SLC24A3: variants seen among roughly 807,000 people sequenced by gnomAD.
The protein encoded by SLC24A3 is sodium/potassium/calcium exchanger 3.
Under a neutral mutation model 75.8 loss-of-function variants are expected in SLC24A3, and 28 were observed. That is an observed-to-expected ratio of 0.37 (90% CI 0.27 to 0.51). SLC24A3 has a LOEUF of 0.51. SLC24A3 is among the 20% of genes least tolerant of loss of function. SLC24A3 has a pLI of 0.94. For missense variants in SLC24A3, 663 were observed against 847.8 expected (o/e 0.78, Z 2.71); for synonymous variants, 372 against 334.1 (o/e 1.11, Z -1.24).
intron 6 of SLC24A3, among the ~76,000 whole-genome samples, chr20:19,586,871 T>C (rs1381099509): frequency 6.6e-6 from 1 of 152,226 alleles, no homozygotes; most frequent in Admixed American, 6.5e-5. Flanking sequence ...GATTTCCCTC[T>C]TCTCATCCTC....
chr20:19,344,594 T>G lies in SLC24A3; in HGVS notation c.271+63507T>G, dbSNP rs578236891. Among the ~76,000 whole-genome samples the G allele has an allele frequency of 1.9e-3, 293 of 152,280 alleles. 1 individual carries two copies. The highest frequency in any genetic ancestry group is 6.7e-3 in the African/African-American group (279 of 41,550). On this transcript the variant is annotated intron_variant, in intron 2 of 16. Coordinates refer to ENST00000328041, the MANE Select transcript of SLC24A3 (RefSeq NM_020689.4). ...GACAATGGGGATTCAACCCACTCAGTGGCTTGGGAGGCGGGGAGGACTGGG... is the reference window on the plus strand; with the variant it reads ...GACAATGGGGATTCAACCCACTCAGGGGCTTGGGAGGCGGGGAGGACTGGG...
chr20:19,675,020 C>T (rs1034144292), intron 9 of SLC24A3, among the ~76,000 whole-genome samples: 1 of 152,120 alleles, frequency 6.6e-6, no homozygotes, highest in Non-Finnish European at 1.5e-5. Flanking sequence ...ACCACTCCAG[C>T]CTGGGTGACA....
chr20:19,697,033 A>C, intron 14 of SLC24A3, 122 bp downstream of exon 14: 3 of 496,138 alleles, frequency 6.0e-6, no homozygotes, highest in Non-Finnish European at 7.3e-6. Flanking sequence ...GGAGAAGAGA[A>C]GGAAAGAGGG....
At chr20:19,622,285 GA>G (rs1444455631) in intron 6 of SLC24A3, among the ~76,000 whole-genome samples, 1 of 152,190 alleles carries the variant, frequency 6.6e-6, no homozygotes, top group Non-Finnish European at 1.5e-5. Context: ...CTCACTGGAG[GA>G]ATGAGCATGG....
At chr20:19,711,658 T>TC (rs112928800) in intron 15 of SLC24A3, among the ~76,000 whole-genome samples, 16 of 151,486 alleles carry the variant, frequency 1.1e-4, no homozygotes, top group South Asian at 4.2e-4. Flanking sequence ...TTTTTTTTTT[T>TC]CGACAAGAGT....
chr20:19,536,474 C>T (rs1274846470), intron 3 of SLC24A3, among the ~76,000 whole-genome samples: 1 of 152,058 alleles, frequency 6.6e-6, no homozygotes, highest in Non-Finnish European at 1.5e-5. Flanking sequence ...AGATTCAATG[C>T]CATCCCCATC....
At chr20:19,714,421 A>C (rs1381042047) in intron 15 of SLC24A3, among the ~76,000 whole-genome samples, 19 of 137,484 alleles carry the variant, frequency 1.4e-4, no homozygotes, top group South Asian at 2.7e-4. Flanking sequence ...AAAAAAAAAA[A>C]AAAAACAACA....
intron 3 of SLC24A3, among the ~76,000 whole-genome samples, chr20:19,539,695 A>G (rs2030462728): frequency 6.6e-6 from 1 of 152,222 alleles, no homozygotes; most frequent in African/African-American, 2.4e-5. Context: ...GAAAAGCATA[A>G]CAAATGTATT....
At chr20:19,714,006 T>C (rs1008378705) in intron 15 of SLC24A3, among the ~76,000 whole-genome samples, 1 of 152,226 alleles carries the variant, frequency 6.6e-6, no homozygotes, top group Non-Finnish European at 1.5e-5. Flanking sequence ...CTGTGGATCA[T>C]GCTGTCTCCA....
At chr20:19,715,692 A>G (rs545176925) in intron 15 of SLC24A3, among the ~76,000 whole-genome samples, 1 of 152,300 alleles carries the variant, frequency 6.6e-6, no homozygotes, top group South Asian at 2.1e-4. Flanking sequence ...ACTCCTTCCC[A>G]TATGCACACT....
At chr20:19,650,343 C>T (rs2032187746) in intron 6 of SLC24A3, among the ~76,000 whole-genome samples, 1 of 152,122 alleles carries the variant, frequency 6.6e-6, no homozygotes, top group South Asian at 2.1e-4. Context: ...AGAAGTAAAA[C>T]TAAGTGGATA....
intron 2 of SLC24A3, among the ~76,000 whole-genome samples, chr20:19,370,871 C>T (rs982093593): frequency 6.6e-6 from 1 of 151,978 alleles, no homozygotes; most frequent in African/African-American, 2.4e-5. Flanking sequence ...CTGGTTAGAC[C>T]GGCTCTGGGC....
intron 8 of SLC24A3, among the ~76,000 whole-genome samples, chr20:19,669,462 A>G (rs920704858): frequency 6.6e-6 from 1 of 151,876 alleles, no homozygotes; most frequent in Non-Finnish European, 1.5e-5. Context: ...AGATTGTGCC[A>G]CTGCACTCCA....
chr20:19,238,641 G>T (rs567957065), intron 1 of SLC24A3, among the ~76,000 whole-genome samples: 1 of 152,266 alleles, frequency 6.6e-6, no homozygotes, highest in African/African-American at 2.4e-5. Flanking sequence ...GATTGAAAGG[G>T]CTCATTGGCA....
chr20:19,406,152 A>G (rs1600467904), intron 2 of SLC24A3, among the ~76,000 whole-genome samples: 2 of 151,928 alleles, frequency 1.3e-5, no homozygotes, highest in South Asian at 2.1e-4. Context: ...AGTGCTTATT[A>G]CATTAGAACA....
At chr20:19,394,581 T>C (rs775432914) in intron 2 of SLC24A3, among the ~76,000 whole-genome samples, 3 of 152,164 alleles carry the variant, frequency 2.0e-5, no homozygotes, top group Non-Finnish European at 4.4e-5. Context: ...AAAAAAGATG[T>C]ACAAGTGGCC....
intron 2 of SLC24A3, among the ~76,000 whole-genome samples, chr20:19,433,183 G>A (rs1987134088): frequency 6.6e-6 from 1 of 152,140 alleles, no homozygotes; most frequent in Admixed American, 6.5e-5. Context: ...TATATGTGGG[G>A]CAGTATCACC....
At chr20:19,272,980 C>T (rs1367414075) in intron 1 of SLC24A3, among the ~76,000 whole-genome samples, 1 of 152,148 alleles carries the variant, frequency 6.6e-6, no homozygotes, top group Non-Finnish European at 1.5e-5. Context: ...AAGGGCTTCC[C>T]TCTAGAAGAA....
chr20:19,213,095 C>T, intron 1 of SLC24A3, 111 bp downstream of exon 1: 1 of 1,117,622 alleles, frequency 8.9e-7, no homozygotes. Context: ...CCAGGATAAG[C>T]GGGCTGGGTT....
Sources: gnomAD v4.1 joint callset for allele counts (sites outside exome capture counted in the v4.1 genomes callset) on GRCh38, gnomAD v4.1.1 for gene constraint, MANE v1.5 for transcripts, NCBI Gene and HGNC (gene_info 2026-07-23, HGNC 2026-07-21) for gene names.